Variants in FAM149B1 observed in about 807,000 individuals in gnomAD.
The protein encoded by FAM149B1 is primary cilium assembly protein FAM149B1.
In FAM149B1, 56 loss-of-function variants were observed where a neutral mutation model predicts 75.3. The observed-to-expected ratio is 0.74, with a 90% CI of 0.60 to 0.93. The LOEUF is 0.93. FAM149B1 is among the 40% of genes least tolerant of loss of function. FAM149B1 has a pLI of 0.00. For missense variants in FAM149B1, 639 were observed against 708.4 expected (o/e 0.90, Z 1.11); for synonymous variants, 259 against 256.1 (o/e 1.01, Z -0.11).
chr10:73,243,107 G>T lies in FAM149B1; in HGVS notation c.*2088G>T, dbSNP rs2043972188. The T allele has an allele frequency of 5.4e-6, 2 of 367,472 alleles. No individual in the cohort carries two copies. The highest frequency in any genetic ancestry group is 4.2e-5 in the Admixed American group (1 of 23,720). The allele number at this position is 367,472 out of a possible 1,614,324, so 22.8% of individuals were successfully genotyped here. The stretch of plus-strand genomic sequence containing the variant: ...ACCACATCCTAGATAAGAGTTCTGT[G>T]TACAGAAGATCCATGGAGGCAAGTG... On this transcript the variant is annotated 3_prime_UTR_variant, in exon 14 of 14. Transcript: ENST00000242505.
In FAM149B1 at chr10:73,244,159, G is replaced by A. The variant is rs749606610; in HGVS notation, c.*3140G>A. ...GTTTTTTACCCAATTCTATTTGCTA[G>A]AGGTAGTAAGTACTCTGGCACTCAT... On this transcript the variant is annotated 3_prime_UTR_variant, in exon 14 of 14. Transcript: ENST00000242505. 1.7e-5 allele frequency: 9 copies of A among 532,428 alleles called. No individual in the cohort carries two copies. The highest frequency in any genetic ancestry group is 3.6e-5 in the Admixed American group (1 of 27,746). The allele number at this position is 532,428 out of a possible 1,614,324, so 33.0% of individuals were successfully genotyped here. A position where few individuals can be genotyped will look rare whatever the true frequency, so the allele number is the denominator to read the frequency against.
intron 1 of FAM149B1, among the ~76,000 whole-genome samples, chr10:73,172,954 AT>A (rs1158479533): frequency 1.3e-5 from 2 of 149,956 alleles, no homozygotes; most frequent in East Asian, 2.0e-4. Flanking sequence ...AAAAAAAAAA[AT>A]TAAAGATTAA....
In FAM149B1 at chr10:73,174,755, C is replaced by G. The variant is rs1843872247; in HGVS notation, c.116C>G (p.Thr39Ser). Residue 39 changes from threonine to serine, a missense_variant, in exon 2 of 14, where the codon ACC becomes AGC. Thr to Ser is a moderately conservative substitution (Grantham distance 58, BLOSUM62 1). Coordinates refer to ENST00000242505, the MANE Select transcript of FAM149B1 (RefSeq NM_173348.2). Reference protein sequence around the residue: ...PPEKLEEISPTSDSHEKDTSS... With the variant: ...PPEKLEEISPSSDSHEKDTSS... ...GAGAAGCTGGAGGAAATTTCCCCCA[C>G]CAGTGACAGTCATGAGAAAGACACA... The G allele has an allele frequency of 6.4e-7, 1 of 1,551,020 alleles. No homozygotes were observed. The highest frequency in any genetic ancestry group is 1.4e-5 in the African/African-American group (1 of 73,030).
chr10:73,243,632 T>C lies in FAM149B1; in HGVS notation c.*2613T>C. On this transcript the variant is annotated 3_prime_UTR_variant, in exon 14 of 14. Coordinates refer to ENST00000242505, the MANE Select transcript of FAM149B1 (RefSeq NM_173348.2). ...TAACTACTAATGGGTATGGAGTTTTTTTGGAATGGTGAAAATGTCCTACAA... is the reference window on the plus strand; with the variant it reads ...TAACTACTAATGGGTATGGAGTTTTCTTGGAATGGTGAAAATGTCCTACAA... The C allele has an allele frequency of 1.4e-6, 2 of 1,392,110 alleles. No homozygotes were observed. Among genetic ancestry groups the C allele is most frequent in the Non-Finnish European group, 2.0e-6 (2 of 1,014,652 alleles). 86.2% of individuals were successfully genotyped at this position (1,392,110 alleles called of 1,614,324 possible).
At chr10:73,170,359 C>T (rs917366775) in intron 1 of FAM149B1, among the ~76,000 whole-genome samples, 3 of 152,146 alleles carry the variant, frequency 2.0e-5, no homozygotes, top group African/African-American at 7.2e-5. Flanking sequence ...AAAAAATTAG[C>T]TGGGCATGGT....
chr10:73,202,689 T>TTTTG (rs533683756), intron 5 of FAM149B1, among the ~76,000 whole-genome samples: 13 of 148,826 alleles, frequency 8.7e-5, no homozygotes, highest in Non-Finnish European at 1.2e-4. Context: ...CCTTTTTTTG[T>TTTTG]TTTGTTTGTT....
In FAM149B1 at chr10:73,230,422, A is replaced by C; in HGVS notation, c.1024A>C (p.Met342Leu). 6.6e-7 allele frequency: 1 copy of C among 1,515,746 alleles called. No homozygotes were observed. The allele number at this position is 1,515,746 out of a possible 1,614,324, so 93.9% of individuals were successfully genotyped here. ...AGTACTGTCTTCTTTCAACACGTAG[A>C]TGAGTCTCTGTCAAGCAAGCAGACA... ...SKVLYITSNP[M>L]SLCQASRHQP... The change falls in exon 9 of 14, where the codon ATG becomes CTG. Residue 342 changes from methionine (M) to leucine (L), a missense_variant and splice_region_variant. By Grantham distance (15) the Met-to-Leu change is conservative (BLOSUM62 2). Transcript: ENST00000242505.
chr10:73,185,037 G>A (rs1308884222), intron 3 of FAM149B1, among the ~76,000 whole-genome samples: 1 of 152,122 alleles, frequency 6.6e-6, no homozygotes, highest in Non-Finnish European at 1.5e-5. Flanking sequence ...GATCAGGAAT[G>A]AAAGAGAGGG....
chr10:73,183,116 C>CGAGA (rs896181892), intron 3 of FAM149B1, among the ~76,000 whole-genome samples: 1 of 151,952 alleles, frequency 6.6e-6, no homozygotes, highest in Non-Finnish European at 1.5e-5. Context: ...GGAGCAGAGA[C>CGAGA]GAGAGTTCAG....
chr10:73,195,899 T>C (rs967560009), intron 5 of FAM149B1, among the ~76,000 whole-genome samples: 5 of 152,214 alleles, frequency 3.3e-5, no homozygotes, highest in East Asian at 1.9e-4. Context: ...CCACTACTTA[T>C]TGGAAGCCAT....
At chr10:73,198,827 A>C (rs1455740910) in intron 5 of FAM149B1, among the ~76,000 whole-genome samples, 1 of 152,166 alleles carries the variant, frequency 6.6e-6, no homozygotes, top group Non-Finnish European at 1.5e-5. Context: ...ATAATAATTC[A>C]ATTGAAAAAT....
At chr10:73,230,294 A>G (rs1564713110) in intron 8 of FAM149B1, 128 bp from the exon 9 acceptor site, 2 of 603,776 alleles carry the variant, frequency 3.3e-6, no homozygotes, top group African/African-American at 1.9e-5. Context: ...CCAAGATGTT[A>G]TAAAAATTAA....
At chr10:73,226,139 C>G (rs369463652) in intron 7 of FAM149B1, among the ~76,000 whole-genome samples, 3 of 150,838 alleles carry the variant, frequency 2.0e-5, no homozygotes, top group Admixed American at 1.3e-4. Flanking sequence ...CAGATTTGAC[C>G]CATGGGCTAT....
chr10:73,175,594 C>T (rs570775180), intron 2 of FAM149B1, among the ~76,000 whole-genome samples: 8 of 148,782 alleles, frequency 5.4e-5, no homozygotes, highest in African/African-American at 7.4e-5. Context: ...GGCATGAACC[C>T]GGGAGGCGGA....
chr10:73,212,939 C>T (rs2043218499), intron 7 of FAM149B1, among the ~76,000 whole-genome samples: 1 of 152,070 alleles, frequency 6.6e-6, no homozygotes, highest in East Asian at 1.9e-4. Context: ...ACCTTCTGGG[C>T]TCAAGTGATC....
intron 5 of FAM149B1, chr10:73,200,970 G>GTC: frequency 2.3e-6 from 1 of 426,694 alleles, no homozygotes; most frequent in Non-Finnish European, 4.7e-6. Context: ...TCTGATCAGG[G>GTC]TCAAGCCCTG....
At chr10:73,176,852 C>T (rs1177274472) in intron 2 of FAM149B1, among the ~76,000 whole-genome samples, 1 of 152,096 alleles carries the variant, frequency 6.6e-6, no homozygotes, top group Non-Finnish European at 1.5e-5. Context: ...CATGGCAAAA[C>T]CCCGTCTCTA....
chr10:73,206,822 T>C (rs1564698907), intron 5 of FAM149B1, among the ~76,000 whole-genome samples: 1 of 151,934 alleles, frequency 6.6e-6, no homozygotes, highest in Non-Finnish European at 1.5e-5. Context: ...GGCTGAGGCA[T>C]GAGAATCCCT....
intron 3 of FAM149B1, among the ~76,000 whole-genome samples, chr10:73,183,740 A>G (rs1222284336): frequency 6.6e-6 from 1 of 152,230 alleles, no homozygotes. Flanking sequence ...CATATAACAA[A>G]TAAAGAAGCA....
Sources: allele counts gnomAD v4.1 joint callset (sites outside exome capture counted in the v4.1 genomes callset), GRCh38; gene constraint gnomAD v4.1.1; transcripts MANE v1.5; gene names NCBI Gene and HGNC (gene_info 2026-07-23, HGNC 2026-07-21).